CAMKMT: variants seen among roughly 807,000 people sequenced by gnomAD.
The protein encoded by CAMKMT is CaM KMT.
A neutral mutation model predicts 48.0 loss-of-function variants in CAMKMT; 53 were observed. That is an observed-to-expected ratio of 1.10 (90% CI 0.89 to 1.39). CAMKMT has a LOEUF of 1.39. Ranked by LOEUF, CAMKMT falls within the 40% of genes most tolerant of loss-of-function variation. The pLI is 0.00. For synonymous variants in CAMKMT, 165 were observed against 152.3 expected (o/e 1.08, Z -0.61); for missense variants, 428 against 402.7 (o/e 1.06, Z -0.54).
chr2:44,708,884 G>T (rs1677716805), intron 6 of CAMKMT, among the ~76,000 whole-genome samples: 2 of 151,986 alleles, frequency 1.3e-5, no homozygotes, highest in South Asian at 4.2e-4. Flanking sequence ...TTCAGCTTGG[G>T]CCCGGTAACC....
chr2:44,438,690 TTTTG>T (rs1194882750), intron 3 of CAMKMT, among the ~76,000 whole-genome samples: 3 of 152,082 alleles, frequency 2.0e-5, no homozygotes, highest in East Asian at 1.9e-4. Context: ...GGTGTGTGTT[TTTTG>T]TTTGTTTGTT....
intron 3 of CAMKMT, among the ~76,000 whole-genome samples, chr2:44,438,143 G>A (rs1666398131): frequency 2.0e-5 from 3 of 152,126 alleles, no homozygotes; most frequent in African/African-American, 7.2e-5. Context: ...CTAGATCAAG[G>A]TCACTCAGCT....
At chr2:44,595,396 T>C (rs765173336) in intron 3 of CAMKMT, among the ~76,000 whole-genome samples, 19 of 152,166 alleles carry the variant, frequency 1.2e-4, no homozygotes, top group Non-Finnish European at 1.8e-4. Flanking sequence ...TGAGCCACCA[T>C]GCCTGGCAAT....
intron 3 of CAMKMT, among the ~76,000 whole-genome samples, chr2:44,458,602 AT>A (rs1299353031): frequency 6.6e-6 from 1 of 152,230 alleles, no homozygotes; most frequent in African/African-American, 2.4e-5. Flanking sequence ...TGAAAACAGC[AT>A]TTAGAAAGAC....
intron 3 of CAMKMT, among the ~76,000 whole-genome samples, chr2:44,526,059 A>G (rs553304796): frequency 6.6e-6 from 1 of 152,310 alleles, no homozygotes; most frequent in Non-Finnish European, 1.5e-5. Context: ...CTAGGCAGCC[A>G]TAAAAAATGA....
intron 9 of CAMKMT, among the ~76,000 whole-genome samples, chr2:44,758,693 T>C (rs984992689): frequency 6.6e-6 from 1 of 152,206 alleles, no homozygotes; most frequent in Non-Finnish European, 1.5e-5. Flanking sequence ...AGTGGCTTGT[T>C]GTTGCTGATG....
intron 1 of CAMKMT, among the ~76,000 whole-genome samples, chr2:44,363,775 C>T (rs1678285096): frequency 6.6e-6 from 1 of 151,146 alleles, no homozygotes. Flanking sequence ...CTGCAGCCTC[C>T]GCCTCCCTGG....
intron 6 of CAMKMT, 74 bp from the exon 7 acceptor site, chr2:44,715,208 AAAAAG>A: frequency 2.1e-6 from 2 of 940,512 alleles, no homozygotes; most frequent in African/African-American, 3.4e-5. Context: ...AAAAAAAAAA[AAAAAG>A]ATAACTGTTT....
At chr2:44,552,259 C>T (rs1667756416) in intron 3 of CAMKMT, among the ~76,000 whole-genome samples, 1 of 152,056 alleles carries the variant, frequency 6.6e-6, no homozygotes, top group South Asian at 2.1e-4. Flanking sequence ...CAGTGATACA[C>T]AATGATATTT....
At chr2:44,771,896 T>C in intron 10 of CAMKMT, 140 bp from the exon 11 acceptor site, 2 of 621,278 alleles carry the variant, frequency 3.2e-6, no homozygotes, top group Non-Finnish European at 5.6e-6. Context: ...AGAACTACTT[T>C]GAGTTGCTTT....
intron 7 of CAMKMT, among the ~76,000 whole-genome samples, chr2:44,719,597 T>C (rs2104314170): frequency 6.6e-6 from 1 of 152,318 alleles, no homozygotes; most frequent in South Asian, 2.1e-4. Context: ...ATATGAAAGC[T>C]TTTAAAATTG....
At chr2:44,512,904 T>C (rs1266702582) in intron 3 of CAMKMT, among the ~76,000 whole-genome samples, 1 of 152,220 alleles carries the variant, frequency 6.6e-6, no homozygotes, top group East Asian at 1.9e-4. Flanking sequence ...AATGATATGA[T>C]GTATGCTGTC....
At chr2:44,433,079 C>T (rs1017010411) in intron 3 of CAMKMT, among the ~76,000 whole-genome samples, 2 of 152,156 alleles carry the variant, frequency 1.3e-5, no homozygotes, top group East Asian at 3.9e-4. Flanking sequence ...ATTTGAACAC[C>T]CAGCTCATTT....
intron 3 of CAMKMT, among the ~76,000 whole-genome samples, chr2:44,542,496 TACACACACACACACACACACACAC>T (rs371102222): frequency 7.5e-6 from 1 of 134,066 alleles, no homozygotes. Flanking sequence ...CACATACACA[TACACACACACACACACACACACAC>T]ACACACACAC....
At chr2:44,705,663 G>A in intron 4 of CAMKMT, 1 of 310,238 alleles carries the variant, frequency 3.2e-6, no homozygotes, top group Non-Finnish European at 4.7e-6. Context: ...TTATGTCCCT[G>A]CATTGTTTAT....
intron 3 of CAMKMT, among the ~76,000 whole-genome samples, chr2:44,464,039 T>C (rs1173676798): frequency 7.1e-6 from 1 of 140,556 alleles, no homozygotes; most frequent in Non-Finnish European, 1.6e-5. Flanking sequence ...TTTATGATAA[T>C]CTTAAAGAAG....
intron 3 of CAMKMT, among the ~76,000 whole-genome samples, chr2:44,633,925 G>C (rs1558759810): frequency 6.6e-6 from 1 of 151,966 alleles, no homozygotes; most frequent in Non-Finnish European, 1.5e-5. Context: ...CTTATTTTTG[G>C]TTTTGGTTTT....
chr2:44,577,659 G>C (rs991985261), intron 3 of CAMKMT, among the ~76,000 whole-genome samples: 2 of 134,354 alleles, frequency 1.5e-5, no homozygotes, highest in Non-Finnish European at 3.2e-5. Flanking sequence ...GGGGGAGAGA[G>C]AGGGAGAGGG....
intron 3 of CAMKMT, among the ~76,000 whole-genome samples, chr2:44,698,411 G>A (rs138921064): frequency 1.1e-4 from 16 of 152,310 alleles, no homozygotes; most frequent in African/African-American, 3.8e-4. Flanking sequence ...GATATTGAGG[G>A]TTTGGTTCCA....
Sources: allele counts gnomAD v4.1 joint callset (sites outside exome capture counted in the v4.1 genomes callset), GRCh38; gene constraint gnomAD v4.1.1; transcripts MANE v1.5; gene names NCBI Gene and HGNC (gene_info 2026-07-23, HGNC 2026-07-21).